ARHGAP44: variants seen among roughly 807,000 people sequenced by gnomAD.
ARHGAP44 encodes Rho GTPase activating protein 44, also known as rho GTPase-activating protein 44.
In ARHGAP44, 43 loss-of-function variants were observed where a neutral mutation model predicts 106.8. That is an observed-to-expected ratio of 0.40 (90% CI 0.32 to 0.52). ARHGAP44 has a LOEUF of 0.52. Ranked by LOEUF, ARHGAP44 falls within the 20% of genes least tolerant of loss-of-function variation. The probability of loss-of-function intolerance (pLI) is 0.48; values close to 1 mark genes in which losing one functional copy is unlikely to be tolerated. For synonymous variants in ARHGAP44, 439 were observed against 410.3 expected, an observed-to-expected ratio of 1.07 and a Z score of -0.85; for missense variants, 866 against 1,050.5, an observed-to-expected ratio of 0.82 and a Z score of 2.43.
At chr17:12,973,458 C>G (rs923598059) in intron 17 of ARHGAP44, 139 bp downstream of exon 17, 2 of 856,914 alleles carry the variant, frequency 2.3e-6, no homozygotes, top group African/African-American at 3.4e-5. Flanking sequence ...GTGTGCCCAT[C>G]ATTAAAATAG....
rs762473992 is a variant in ARHGAP44 at position 12,949,623 on chromosome 17, A to G, written c.974-26A>G. ...TGCCTCTGCCACATCATAACAGTTC[A>G]CAACCAATATTTCATTCATGCCTAG... On this transcript the variant is annotated intron_variant, in intron 11 of 20. Coordinates refer to ENST00000379672, the MANE Select transcript of ARHGAP44 (RefSeq NM_014859.6). The surrounding 1 kb of genome is among the most constrained non-coding windows in gnomAD (Gnocchi z 4.1). 2 of 1,610,734 alleles carry G rather than the reference A, an allele frequency of 1.2e-6. No homozygotes were observed. The highest frequency in any genetic ancestry group is 1.3e-5 in the African/African-American group (1 of 74,926).
chr17:12,790,997 T>C (rs1249094805), intron 1 of ARHGAP44, among the ~76,000 whole-genome samples: 2 of 152,136 alleles, frequency 1.3e-5, no homozygotes, highest in African/African-American at 4.8e-5. Context: ...CGAATACCTT[T>C]CTTGGGTGGG....
intron 1 of ARHGAP44, among the ~76,000 whole-genome samples, chr17:12,808,814 G>A (rs77632904): frequency 0.18 from 27,263 of 152,142 alleles, 4,151 homozygotes; most frequent in African/African-American, 0.41. Flanking sequence ...CTCCTCAGAA[G>A]ATGTGTTTTT....
At chr17:12,980,421 T>C (rs2039803294) in intron 19 of ARHGAP44, among the ~76,000 whole-genome samples, 188 bp downstream of exon 19, 1 of 152,246 alleles carries the variant, frequency 6.6e-6, no homozygotes, top group Non-Finnish European at 1.5e-5. Flanking sequence ...GTTTACTTAT[T>C]TGACAGGTGG....
intron 1 of ARHGAP44, among the ~76,000 whole-genome samples, chr17:12,862,404 G>A (rs947498648): frequency 6.6e-6 from 1 of 152,162 alleles, no homozygotes; most frequent in African/African-American, 2.4e-5. Context: ...CTCCTCCTGA[G>A]TTGGTAACGC....
chr17:12,989,547 C>T (rs548944060), intron 20 of ARHGAP44, among the ~76,000 whole-genome samples: 3 of 152,310 alleles, frequency 2.0e-5, no homozygotes, highest in Admixed American at 2.0e-4. Context: ...CCACCCATGT[C>T]AGCCATCCAA....
At chr17:12,975,564 C>T (rs987058673) in intron 18 of ARHGAP44, among the ~76,000 whole-genome samples, 5 of 151,634 alleles carry the variant, frequency 3.3e-5, no homozygotes, top group South Asian at 2.1e-4. Context: ...TTTGGGAGGC[C>T]GAGGCGGGTG....
chr17:12,798,891 A>T (rs1450977389), intron 1 of ARHGAP44, among the ~76,000 whole-genome samples: 3 of 152,178 alleles, frequency 2.0e-5, no homozygotes, highest in African/African-American at 7.2e-5. Context: ...TTATTGGACT[A>T]TTCATGTTGT....
intron 1 of ARHGAP44, among the ~76,000 whole-genome samples, chr17:12,830,706 T>C (rs1406478732): frequency 7.2e-5 from 11 of 152,188 alleles, no homozygotes; most frequent in African/African-American, 2.2e-4. Context: ...GGTCTTTTTT[T>C]CCAGCAGCTA....
At chr17:12,876,507 G>A (rs182880713) in intron 1 of ARHGAP44, among the ~76,000 whole-genome samples, 2 of 152,202 alleles carry the variant, frequency 1.3e-5, no homozygotes, top group African/African-American at 2.4e-5. Context: ...TAAAGTGCCA[G>A]CAGAACACCT....
chr17:12,840,083 A>G (rs1029767754), intron 1 of ARHGAP44, among the ~76,000 whole-genome samples: 3 of 152,184 alleles, frequency 2.0e-5, no homozygotes, highest in African/African-American at 4.8e-5. Context: ...TATATGTATT[A>G]ACACTTGATT....
At chr17:12,914,378 C>T (rs2150947847) in intron 4 of ARHGAP44, among the ~76,000 whole-genome samples, 1 of 152,334 alleles carries the variant, frequency 6.6e-6, no homozygotes, top group Non-Finnish European at 1.5e-5. Context: ...TACTGAAGCG[C>T]TGCATGTAAT....
chr17:12,818,145 C>G (rs1318986983), intron 1 of ARHGAP44, among the ~76,000 whole-genome samples: 1 of 151,776 alleles, frequency 6.6e-6, no homozygotes, highest in Non-Finnish European at 1.5e-5. Context: ...ACATTATGAC[C>G]AAGTGAGGTT....
chr17:12,922,505 C>G (rs893993066), intron 6 of ARHGAP44, among the ~76,000 whole-genome samples: 3 of 152,158 alleles, frequency 2.0e-5, no homozygotes, highest in African/African-American at 7.2e-5. Flanking sequence ...TGCTCCTGGG[C>G]AGAGTGACAT....
At chr17:12,859,173 A>T (rs894402165) in intron 1 of ARHGAP44, among the ~76,000 whole-genome samples, 1 of 152,202 alleles carries the variant, frequency 6.6e-6, no homozygotes, top group Non-Finnish European at 1.5e-5. Context: ...CTGTGAGAAG[A>T]TGACGTGACA....
chr17:12,987,355 T>C (rs575876314), intron 20 of ARHGAP44: 7 of 483,152 alleles, frequency 1.4e-5, no homozygotes, highest in Non-Finnish European at 2.2e-5. Context: ...CTTTTCTTTC[T>C]TTTCATTAGG....
intron 1 of ARHGAP44, 40 bp from the exon 2 acceptor site, chr17:12,894,900 T>G (rs544235262): frequency 6.4e-7 from 1 of 1,551,352 alleles, no homozygotes; most frequent in South Asian, 1.2e-5. Context: ...GGCTCTGTTG[T>G]TAGTTTTGTT....
At chr17:12,959,072 C>T (rs1347128134) in intron 16 of ARHGAP44, 175 bp downstream of exon 16, 13 of 762,672 alleles carry the variant, frequency 1.7e-5, no homozygotes, top group Non-Finnish European at 2.4e-5. Context: ...CTTTGGCTTG[C>T]CGCCCTTTAG....
chr17:12,846,869 T>TA (rs1228435621), intron 1 of ARHGAP44, among the ~76,000 whole-genome samples: 1 of 152,238 alleles, frequency 6.6e-6, no homozygotes, highest in African/African-American at 2.4e-5. Flanking sequence ...CATATTGACT[T>TA]ATGCTGCAAA....
Sources: allele counts gnomAD v4.1 joint callset (sites outside exome capture counted in the v4.1 genomes callset), GRCh38; gene constraint gnomAD v4.1.1; non-coding constraint Gnocchi (gnomAD v3.1); transcripts MANE v1.5; gene names NCBI Gene and HGNC (gene_info 2026-07-23, HGNC 2026-07-21).